Variants in ZNFX1 observed in about 807,000 individuals in gnomAD.
The protein encoded by ZNFX1 is NFX1-type zinc finger-containing protein 1.
ZNFX1 carries 78 observed loss-of-function variants against 179.8 expected under a neutral mutation model. That is an observed-to-expected ratio of 0.43 (90% CI 0.36 to 0.52). The LOEUF is 0.52. ZNFX1 is among the 20% of genes least tolerant of loss of function. The probability of loss-of-function intolerance (pLI) is 0.00; values close to 1 mark genes in which losing one functional copy is unlikely to be tolerated. For missense variants in ZNFX1, 1,927 were observed against 2,386.6 expected (o/e 0.81, Z 4.01); for synonymous variants, 848 against 868.5 (o/e 0.98, Z 0.42).
At position 49,247,710 on chromosome 20, in the gene ZNFX1, G is replaced by A. The variant is rs369660830; in HGVS notation, c.5314C>T (p.Arg1772Cys). The change falls in exon 14 of 14, where the codon CGC becomes TGC. Residue 1772 changes from arginine to cysteine, a missense_variant. Physicochemically the swap from Arg to Cys is radical, Grantham distance 180 (BLOSUM62 -3). Transcript: ENST00000396105. ...ACCTTCTTCTCTGCTATCTTGTAGCGGGTCAGAAGGTTCACCAGGTATGTG... is the reference window on the plus strand; with the variant it reads ...ACCTTCTTCTCTGCTATCTTGTAGCAGGTCAGAAGGTTCACCAGGTATGTG... ...RLTYLVNLLT[R>C]YKIAEKKVKD... is the part of the protein sequence containing the mutation. The A allele has an allele frequency of 1.4e-5, 23 of 1,614,026 alleles. No homozygotes were observed. The highest frequency in any genetic ancestry group is 1.7e-5 in the Non-Finnish European group (20 of 1,180,044).
chr20:49,263,113 A>T (rs1964554854), intron 6 of ZNFX1, among the ~76,000 whole-genome samples: 1 of 152,214 alleles, frequency 6.6e-6, no homozygotes, highest in South Asian at 2.1e-4. Context: ...AAAATTAAGT[A>T]ACTTGTCCAG....
At chr20:49,263,020 A>G (rs1198657194) in intron 6 of ZNFX1, among the ~76,000 whole-genome samples, 4 of 152,206 alleles carry the variant, frequency 2.6e-5, no homozygotes, top group East Asian at 1.9e-4. Context: ...TTGCAAATCA[A>G]TATTACAGAT....
chr20:49,263,496 G>C lies in ZNFX1; in HGVS notation c.2152-13C>G, dbSNP rs1247947006. ...TCTGTGTCATGATCTTCCAAGAACA[G>C]AGGGAAAGAAATGATGAGGAAATAT... On this transcript the variant is annotated splice_polypyrimidine_tract_variant and intron_variant, in intron 5 of 13. Coordinates refer to ENST00000396105, the MANE Select transcript of ZNFX1 (RefSeq NM_021035.3). 1 of 1,564,650 alleles carries C rather than the reference G, an allele frequency of 6.4e-7. No individual in the cohort carries two copies. Among genetic ancestry groups the C allele is most frequent in the Non-Finnish European group, 8.7e-7 (1 of 1,153,398 alleles).
At chr20:49,258,920 A>G (rs1398765311) in intron 7 of ZNFX1, among the ~76,000 whole-genome samples, 2 of 152,074 alleles carry the variant, frequency 1.3e-5, no homozygotes, top group Non-Finnish European at 2.9e-5. Context: ...CCTGGCCAAC[A>G]TGGGGAAACC....
At position 49,271,560 on chromosome 20, in the gene ZNFX1, C is replaced by G. The variant is rs1027732498; in HGVS notation, c.252G>C (p.Gln84His). 1 of 1,614,054 alleles carries G rather than the reference C, an allele frequency of 6.2e-7. No individual in the cohort carries two copies. The change falls in exon 3 of 14, where the codon CAG (glutamine) becomes CAC (histidine). Residue 84 changes from glutamine to histidine, a missense_variant. Transcript: ENST00000396105. ...GRNPHQGRRN[Q>H]EGHASDEARD... ...TAGCTTCGTCGCTGGCATGCCCCTC[C>G]TGGTTCCTCCTTCCTTGATGTGGGT...
chr20:49,277,288 C>T (rs1434556364), intron 1 of ZNFX1, among the ~76,000 whole-genome samples: 3 of 151,236 alleles, frequency 2.0e-5, no homozygotes, highest in Non-Finnish European at 4.4e-5. Context: ...AGGGAGCCCA[C>T]GGTCCCTAAT....
At chr20:49,255,695 G>A in intron 9 of ZNFX1, 113 bp downstream of exon 9, 1 of 1,229,506 alleles carries the variant, frequency 8.1e-7, no homozygotes, top group Non-Finnish European at 1.1e-6. Context: ...CAGCTCAGTG[G>A]TGGTGCTCAA....
chr20:49,250,213 C>CCA (rs1568981243), intron 13 of ZNFX1, among the ~76,000 whole-genome samples: 1 of 152,126 alleles, frequency 6.6e-6, no homozygotes, highest in East Asian at 1.9e-4. Flanking sequence ...CGAGATCATG[C>CCA]CACTGCACTC....
chr20:49,266,834 A>G (rs1382879140), intron 3 of ZNFX1, among the ~76,000 whole-genome samples: 2 of 152,158 alleles, frequency 1.3e-5, no homozygotes, highest in Admixed American at 6.5e-5. Context: ...CAACATTGGA[A>G]TAAGAGTTAT....
chr20:49,277,947 G>C, intron 1 of ZNFX1, 74 bp downstream of exon 1: 1 of 155,022 alleles, frequency 6.5e-6, no homozygotes, highest in Admixed American at 6.5e-5. Flanking sequence ...GGCAGTGGCG[G>C]GTCGGCGCGG....
Position 49,257,473 on chromosome 20 carries a change from C to G in ZNFX1, c.2608G>C (p.Asp870His), listed in dbSNP as rs751685080. The G allele has an allele frequency of 2.5e-6, 4 of 1,614,126 alleles. No individual in the cohort carries two copies. The highest frequency in any genetic ancestry group is 3.4e-6 in the Non-Finnish European group (4 of 1,180,028). ...LAKMLLAMRL[D>H]HCGTGTAAGQ... is the part of the protein sequence containing the mutation. ...GCTGCTGTCCCAGTGCCACAATGGT[C>G]TAGCCTCATGGCCAGAAGCATTTTA... The change falls in exon 8 of 14, where the codon GAC (aspartate) becomes CAC (histidine). Residue 870 changes from aspartate to histidine, a missense_variant. Physicochemically the swap from Asp to His is moderately conservative, Grantham distance 81. Coordinates refer to ENST00000396105, the MANE Select transcript of ZNFX1 (RefSeq NM_021035.3).
chr20:49,252,340 C>T (rs991711864), intron 12 of ZNFX1, among the ~76,000 whole-genome samples: 1 of 151,566 alleles, frequency 6.6e-6, no homozygotes, highest in African/African-American at 2.4e-5. Context: ...CAGGCTTTCA[C>T]CATGTTGGCC....
rs1332944158 is a variant in ZNFX1 at position 49,247,903 on chromosome 20, G to C, written c.5121C>G (p.Ser1707Arg). ...KDLGLVENYISFYDHLASLWD... is the reference protein window; with the variant it reads ...KDLGLVENYIRFYDHLASLWD... ...ACAGGCTGGCCAGGTGGTCATAGAA[G>C]CTGATGTAATTCTCAACCAGACCCA... Residue 1707 changes from serine to arginine, a missense_variant, in exon 14 of 14, where the codon AGC becomes AGG. Transcript: ENST00000396105. 6.2e-7 allele frequency: 1 copy of C among 1,614,148 alleles called. No individual in the cohort carries two copies. Among genetic ancestry groups the C allele is most frequent in the African/African-American group, 1.3e-5 (1 of 75,034 alleles).
rs1207575307 is a variant in ZNFX1, at chr20:49,253,761, T to C, written c.3010A>G (p.Ile1004Val). ...ILQKVEPRIV[I>V]VEEAAEVLEA... ...AGGACTTCCGCAGCTTCTTCCACTA[T>C]GACAATCCTCGGCTCCACCTTCTGT... The change falls in exon 11 of 14, where the codon ATA (isoleucine) becomes GTA (valine). Residue 1004 changes from isoleucine to valine, a missense_variant. Physicochemically the swap from Ile to Val is conservative, Grantham distance 29 (BLOSUM62 3). Transcript: ENST00000396105. 6.2e-7 allele frequency: 1 copy of C among 1,614,186 alleles called. No individual in the cohort carries two copies. The highest frequency in any genetic ancestry group is 2.2e-5 in the East Asian group (1 of 44,876).
Position 49,270,895 on chromosome 20 carries a change from T to C in ZNFX1, c.917A>G (p.Gln306Arg). The change falls in exon 3 of 14, where the codon CAG becomes CGG. Residue 306 changes from glutamine to arginine, a missense_variant. Transcript: ENST00000396105. This position sits in a 1 kb window ranked among gnomAD's most constrained non-coding sequence, Gnocchi z 4.6. ...CAAAGTGCCCTCTCGCCTCTTTTCCTGCAGATGTTCAATGATAGTCTGTAC... is the reference window on the plus strand; with the variant it reads ...CAAAGTGCCCTCTCGCCTCTTTTCCCGCAGATGTTCAATGATAGTCTGTAC... ...EKVQTIIEHL[Q>R]EKRREGTLRV... is the part of the protein sequence containing the mutation. The C allele has an allele frequency of 1.2e-6, 2 of 1,614,158 alleles. No homozygotes were observed. Among genetic ancestry groups the C allele is most frequent in the Non-Finnish European group, 1.7e-6 (2 of 1,180,036 alleles).
Position 49,246,910 on chromosome 20 carries a change from C to A in ZNFX1, c.*357G>T. ...TGAGACAGAGTCTTGCTCCTGTCGC[C>A]CAGACTGGAGTGCAATGGCATGATC... On this transcript the variant is annotated 3_prime_UTR_variant, in exon 14 of 14. Coordinates refer to ENST00000396105, the MANE Select transcript of ZNFX1 (RefSeq NM_021035.3). 2 of 464,324 alleles carry A rather than the reference C, an allele frequency of 4.3e-6. No homozygotes were observed. The highest frequency in any genetic ancestry group is 1.6e-5 in the South Asian group (1 of 64,210). 28.8% of individuals were successfully genotyped at this position (464,324 alleles called of 1,614,324 possible).
chr20:49,258,011 C>G lies in ZNFX1; in HGVS notation c.2417-347G>C, dbSNP rs545300987. On this transcript the variant is annotated intron_variant, in intron 7 of 13. Coordinates refer to ENST00000396105, the MANE Select transcript of ZNFX1 (RefSeq NM_021035.3). ...ACAGGCGTGAGCCACCGTGCCTGGC[C>G]AGAGATGGAAACTCTTGAAGCTAAG... Among the ~76,000 whole-genome samples the G allele has an allele frequency of 1.5e-3, 222 of 151,862 alleles. 1 individual carries two copies. The highest frequency in any genetic ancestry group is 2.4e-3 in the Non-Finnish European group (162 of 68,002).
Position 49,247,412 on chromosome 20 carries a change from T to A in ZNFX1, c.5612A>T (p.Asp1871Val). 6.2e-7 allele frequency: 1 copy of A among 1,614,174 alleles called. No individual in the cohort carries two copies. The highest frequency in any genetic ancestry group is 8.5e-7 in the Non-Finnish European group (1 of 1,180,034). The stretch of plus-strand genomic sequence containing the variant: ...TGTGCCACCAATCACTTCCTTACAG[T>A]CAGGACACGTGCCCCTCTCCATGGC... ...GGAMERGTCP[D>V]CKEVIGGTNH... The change falls in exon 14 of 14, where the codon GAC (aspartate) becomes GTC (valine). Residue 1871 changes from aspartate (D) to valine (V), a missense_variant. Physicochemically the swap from Asp to Val is radical, Grantham distance 152. Transcript: ENST00000396105.
At position 49,253,796 on chromosome 20, in the gene ZNFX1, C is replaced by T. The variant is rs1163340335; in HGVS notation, c.2975G>A (p.Arg992His). ...CGGCTCCACCTTCTGTAGGATCTGG[C>T]GGTATTTGGCAGCACCTCAAGTGAG... ...GMTTTGAAKYRQILQKVEPRI... is the reference protein window; with the variant it reads ...GMTTTGAAKYHQILQKVEPRI... Residue 992 changes from arginine (R) to histidine (H), a missense_variant, in exon 11 of 14, where the codon CGC becomes CAC. Coordinates refer to ENST00000396105, the MANE Select transcript of ZNFX1 (RefSeq NM_021035.3). 9 of 1,614,034 alleles carry T rather than the reference C, an allele frequency of 5.6e-6. No homozygotes were observed. Among genetic ancestry groups the T allele is most frequent in the South Asian group, 1.1e-5 (1 of 91,078 alleles).
Sources: allele counts gnomAD v4.1 joint callset (sites outside exome capture counted in the v4.1 genomes callset), GRCh38; gene constraint gnomAD v4.1.1; non-coding constraint Gnocchi (gnomAD v3.1); transcripts MANE v1.5; gene names NCBI Gene and HGNC (gene_info 2026-07-23, HGNC 2026-07-21).